CACNA1C: variants seen among roughly 807,000 people sequenced by gnomAD.
CACNA1C encodes voltage-dependent L-type calcium channel subunit alpha-1C.
In CACNA1C, 30 loss-of-function variants were observed where a neutral mutation model predicts 229.0. That is an observed-to-expected ratio of 0.13 (90% confidence interval 0.10 to 0.18). CACNA1C has a LOEUF of 0.18. Among genes scored for constraint, CACNA1C ranks in the 10% least tolerant of loss-of-function variants. The probability of loss-of-function intolerance (pLI) is 1.00; values close to 1 mark genes in which losing one functional copy is unlikely to be tolerated. For missense variants in CACNA1C, 1,658 were observed against 2,845.0 expected, an observed-to-expected ratio of 0.58 and a Z score of 9.49; for synonymous variants, 1,114 against 1,132.5, an observed-to-expected ratio of 0.98 and a Z score of 0.33.
chr12:2,353,278 T>C (rs191942110), intron 3 of CACNA1C, among the ~76,000 whole-genome samples: 65 of 152,134 alleles, frequency 4.3e-4, no homozygotes, highest in African/African-American at 1.5e-3. Flanking sequence ...ACCCTGCAAG[T>C]CTCCAAGGCC....
intron 3 of CACNA1C, among the ~76,000 whole-genome samples, chr12:2,329,666 T>C (rs942745938): frequency 1.3e-5 from 2 of 152,182 alleles, no homozygotes; most frequent in Non-Finnish European, 2.9e-5. Flanking sequence ...ATAGATGTTG[T>C]GTGGTTGTGT....
intron 13 of CACNA1C, among the ~76,000 whole-genome samples, chr12:2,578,545 G>T (rs1219880431): frequency 1.3e-5 from 2 of 152,116 alleles, no homozygotes; most frequent in Non-Finnish European, 2.9e-5. Flanking sequence ...CCGGAGCGGG[G>T]GTCCAGGCAG....
intron 1 of CACNA1C, among the ~76,000 whole-genome samples, chr12:2,019,752 A>G (rs1189224080): frequency 6.6e-6 from 1 of 152,170 alleles, no homozygotes; most frequent in African/African-American, 2.4e-5. Flanking sequence ...ATAATATGTT[A>G]AGTATTTTTA....
rs142066269 is a variant in CACNA1C at position 2,668,868 on chromosome 12, G to C, written c.4624-65G>C. On this transcript the variant is annotated intron_variant, in intron 37 of 46. Transcript: ENST00000399655. ...GAGCCAAACCATATCACTCTGCCAC[G>C]GTGTTCTGCGGTCCCCTAAGCACCG... 4 of 1,009,838 alleles carry C rather than the reference G, an allele frequency of 4.0e-6. 1 individual carries two copies. In the South Asian group the frequency reaches 5.1e-5, roughly 13 times the overall value. 62.6% of individuals were successfully genotyped at this position (1,009,838 alleles called of 1,614,324 possible). A position where few individuals can be genotyped will look rare whatever the true frequency, so the allele number is the denominator to read the frequency against.
rs908247130 is a variant in CACNA1C at position 2,653,758 on chromosome 12, A to T, written c.4075-77A>T. 7.3e-6 allele frequency: 9 copies of T among 1,239,762 alleles called. No homozygotes were observed. Among genetic ancestry groups the T allele is most frequent in the Admixed American group, 3.5e-5 (2 of 57,166 alleles). 76.8% of individuals were successfully genotyped at this position (1,239,762 alleles called of 1,614,324 possible). A position where few individuals can be genotyped will look rare whatever the true frequency, so the allele number is the denominator to read the frequency against. ...ATAGCTGATGGCTGCAGAGACAGGG[A>T]TGCGGCGCTCCCTGGGAAGGGGCCC... is the stretch of plus-strand genomic sequence containing the variant. On this transcript the variant is annotated intron_variant, in intron 32 of 46. Transcript: ENST00000399655. The surrounding 1 kb of genome is among the most constrained non-coding windows in gnomAD (Gnocchi z 4.7).
upstream of CACNA1C, among the ~76,000 whole-genome samples, chr12:2,049,846 C>G (rs1321352517): frequency 2.0e-5 from 3 of 152,160 alleles, no homozygotes; most frequent in African/African-American, 7.2e-5. Flanking sequence ...GAATTTGTTA[C>G]CTCGAAAGAG....
intron 9 of CACNA1C, among the ~76,000 whole-genome samples, chr12:2,542,846 T>G (rs1034432757): frequency 5.9e-5 from 9 of 151,344 alleles, no homozygotes; most frequent in South Asian, 2.1e-4. Context: ...GTTTGTGGGG[T>G]TGAGGGGAGA....
chr12:2,677,617 G>T lies in CACNA1C; in HGVS notation c.4957-116G>T. On this transcript the variant is annotated intron_variant, in intron 40 of 46. Transcript: ENST00000399655. This position sits in a 1 kb window ranked among gnomAD's most constrained non-coding sequence, Gnocchi z 7.4. ...CACAAACCTTCCGGAGGGTCGACTG[G>T]CTGGGTGGAGGATGCCAGGGCCCTG... The T allele has an allele frequency of 8.3e-7, 1 of 1,204,994 alleles. No individual in the cohort carries two copies. The highest frequency in any genetic ancestry group is 2.1e-5 in the Admixed American group (1 of 48,202). The allele number at this position is 1,204,994 out of a possible 1,614,324, so 74.6% of individuals were successfully genotyped here. A position where few individuals can be genotyped will look rare whatever the true frequency, so the allele number is the denominator to read the frequency against.
chr12:2,672,844 G>A (rs1300322267), intron 38 of CACNA1C, among the ~76,000 whole-genome samples: 3 of 152,218 alleles, frequency 2.0e-5, no homozygotes, highest in Non-Finnish European at 2.9e-5. Context: ...AATACCATGT[G>A]TGTTAGGATC....
intron 3 of CACNA1C, among the ~76,000 whole-genome samples, chr12:2,286,785 A>G (rs1335584875): frequency 6.6e-6 from 1 of 152,196 alleles, no homozygotes; most frequent in Non-Finnish European, 1.5e-5. Context: ...TTGGGAACTC[A>G]TGCTTACAAC....
At chr12:2,318,689 G>T (rs910317286) in intron 3 of CACNA1C, among the ~76,000 whole-genome samples, 2 of 152,198 alleles carry the variant, frequency 1.3e-5, no homozygotes, top group African/African-American at 4.8e-5. Context: ...GCGCCACACG[G>T]CACCTAGAAT....
chr12:2,386,873 G>T (rs1025065422), intron 3 of CACNA1C, among the ~76,000 whole-genome samples: 1 of 152,196 alleles, frequency 6.6e-6, no homozygotes, highest in Non-Finnish European at 1.5e-5. Flanking sequence ...TCCTGGGGCA[G>T]CCTTCTTGCC....
chr12:2,132,257 C>T (rs1359757282), intron 3 of CACNA1C, among the ~76,000 whole-genome samples: 1 of 135,672 alleles, frequency 7.4e-6, no homozygotes, highest in Non-Finnish European at 1.6e-5. Flanking sequence ...CAAACAGGGA[C>T]AATTTGACTT....
intron 9 of CACNA1C, among the ~76,000 whole-genome samples, chr12:2,526,494 G>C (rs2099818718): frequency 1.3e-5 from 2 of 152,352 alleles, no homozygotes; most frequent in South Asian, 4.1e-4. Flanking sequence ...TTCCACAACA[G>C]AACAGGAAGT....
chr12:2,489,330 C>T (rs1238471110), intron 6 of CACNA1C, among the ~76,000 whole-genome samples: 1 of 152,150 alleles, frequency 6.6e-6, no homozygotes, highest in Non-Finnish European at 1.5e-5. Flanking sequence ...CCAATAAAAT[C>T]CATAAAGAAA....
chr12:2,474,570 C>T (rs2283311), intron 5 of CACNA1C, among the ~76,000 whole-genome samples: 110,380 of 151,704 alleles, frequency 0.73, 40,592 homozygotes, highest in East Asian at 0.87. Flanking sequence ...GCCTGGCCAA[C>T]ATGGCGAAAC....
rs575317149 is a variant in CACNA1C, at chr12:2,345,287, C to T, written c.478-103689C>T. 3.3e-5 allele frequency among the ~76,000 whole-genome samples: 5 copies of T among 151,870 alleles called. No individual in the cohort carries two copies. The South Asian group carries it at 6.3e-4, about 19-fold the overall frequency. On this transcript the variant is annotated intron_variant, in intron 3 of 46. Coordinates refer to ENST00000399655, the MANE Select transcript of CACNA1C (RefSeq NM_000719.7). ...ATGCTGTGGCATAGATATCAAGGCT[C>T]GAACAGGCAGCTCCCCCTGTACGCC...
intron 1 of CACNA1C, among the ~76,000 whole-genome samples, chr12:1,976,698 G>A (rs2034472524): frequency 6.6e-6 from 1 of 152,126 alleles, no homozygotes; most frequent in African/African-American, 2.4e-5. Context: ...ACCCTAGAGA[G>A]CTTTAGGGGT....
intron 3 of CACNA1C, among the ~76,000 whole-genome samples, chr12:2,267,728 C>T (rs966168580): frequency 6.6e-6 from 1 of 152,224 alleles, no homozygotes; most frequent in East Asian, 1.9e-4. Flanking sequence ...GGCAGCTGCA[C>T]TCAGCTTCCC....
Sources: allele counts gnomAD v4.1 joint callset (sites outside exome capture counted in the v4.1 genomes callset), GRCh38; gene constraint gnomAD v4.1.1; non-coding constraint Gnocchi (gnomAD v3.1); transcripts MANE v1.5; gene names NCBI Gene and HGNC (gene_info 2026-07-23, HGNC 2026-07-21).